The following BIRC2 variants were observed in gnomAD, a reference collection of about 807,000 sequenced individuals.
BIRC2 encodes baculoviral IAP repeat-containing protein 2.
A neutral mutation model predicts 60.9 loss-of-function variants in BIRC2; 18 were observed. That is an observed-to-expected ratio of 0.30 (90% CI 0.20 to 0.44). The LOEUF (loss-of-function observed/expected upper bound fraction) is 0.44. Among genes scored for constraint, BIRC2 ranks in the 20% least tolerant of loss-of-function variants. The pLI, the probability that BIRC2 is intolerant of heterozygous loss-of-function variation, is 1.00. For missense variants in BIRC2, 701 were observed against 728.5 expected, an observed-to-expected ratio of 0.96 and a Z score of 0.43; for synonymous variants, 282 against 247.7, an observed-to-expected ratio of 1.14 and a Z score of -1.30.
chr11:102,363,555 C>A, intron 4 of BIRC2, 113 bp from the exon 5 acceptor site: 1 of 656,740 alleles, frequency 1.5e-6, no homozygotes, highest in Non-Finnish European at 2.5e-6. Flanking sequence ...ATAAATCACT[C>A]AGTTCTCAAA....
chr11:102,361,186 A>C (rs1048271544), intron 3 of BIRC2, among the ~76,000 whole-genome samples: 11 of 152,100 alleles, frequency 7.2e-5, no homozygotes, highest in African/African-American at 2.7e-4. Context: ...TTGGAGTGCA[A>C]GTGTTTGCAG....
chr11:102,354,787 T>G (rs546327733), intron 3 of BIRC2, among the ~76,000 whole-genome samples: 1 of 152,188 alleles, frequency 6.6e-6, no homozygotes, highest in Non-Finnish European at 1.5e-5. Context: ...AAGGCATCAT[T>G]ACAGGTGGGA....
In BIRC2 at chr11:102,350,169, G is replaced by A. The variant is rs1951339618; in HGVS notation, c.315G>A (p.Gln105=). 1.2e-6 allele frequency: 2 copies of A among 1,614,074 alleles called. No homozygotes were observed. The highest frequency in any genetic ancestry group is 8.5e-7 in the Non-Finnish European group (1 of 1,180,044). Reference sequence around the variant, plus strand: ...ACAGTCCTATTCAAAAGCATAAACAGCTATATCCTAGCTGTAGCTTTATTC... The same window carrying A: ...ACAGTCCTATTCAAAAGCATAAACAACTATATCCTAGCTGTAGCTTTATTC... The part of the protein sequence containing the change: ...LGDSPIQKHK[Q]LYPSCSFIQN... Residue 105 remains glutamine (Q), a synonymous_variant, in exon 2 of 9, where the codon CAG becomes CAA. Coordinates refer to ENST00000227758, the MANE Select transcript of BIRC2 (RefSeq NM_001166.5).
intron 6 of BIRC2, among the ~76,000 whole-genome samples, chr11:102,370,200 TTGC>T (rs1951612774): frequency 6.7e-6 from 1 of 149,338 alleles, no homozygotes; most frequent in African/African-American, 2.5e-5. Flanking sequence ...TTGGCTTTTG[TTGC>T]CATTGCTTTT....
At chr11:102,374,012 G>T (rs1395349394) in intron 6 of BIRC2, among the ~76,000 whole-genome samples, 1 of 140,580 alleles carries the variant, frequency 7.1e-6, no homozygotes, top group African/African-American at 2.7e-5. Flanking sequence ...TTGGTTTTCA[G>T]CTCCATCAGC....
intron 5 of BIRC2, among the ~76,000 whole-genome samples, chr11:102,365,109 G>A (rs908852735): frequency 4.6e-5 from 7 of 152,108 alleles, no homozygotes; most frequent in African/African-American, 1.7e-4. Context: ...AAACCACTAG[G>A]CTACATAATT....
At chr11:102,367,484 A>T (rs933656574) in intron 5 of BIRC2, among the ~76,000 whole-genome samples, 1 of 152,190 alleles carries the variant, frequency 6.6e-6, no homozygotes, top group Non-Finnish European at 1.5e-5. Context: ...CGCGTGTTTG[A>T]ACAAGAGGGG....
At chr11:102,356,385 A>G (rs1256696883) in intron 3 of BIRC2, among the ~76,000 whole-genome samples, 2 of 151,426 alleles carry the variant, frequency 1.3e-5, no homozygotes, top group Non-Finnish European at 2.9e-5. Flanking sequence ...CTTAGTAGAG[A>G]TGGCGTTTCA....
intron 5 of BIRC2, among the ~76,000 whole-genome samples, chr11:102,364,139 T>TATATATA (rs1951517564): frequency 1.6e-5 from 1 of 61,418 alleles, no homozygotes; most frequent in African/African-American, 7.8e-5. Flanking sequence ...CTAATAAATA[T>TATATATA]TATATATATA....
intron 3 of BIRC2, among the ~76,000 whole-genome samples, chr11:102,356,276 A>T (rs548250944): frequency 6.6e-6 from 1 of 150,574 alleles, no homozygotes; most frequent in African/African-American, 2.4e-5. Flanking sequence ...GCTCACTGCA[A>T]CCTCCACCTC....
intron 3 of BIRC2, among the ~76,000 whole-genome samples, chr11:102,351,670 G>GT (rs1295482900): frequency 1.5e-5 from 2 of 136,376 alleles, no homozygotes; most frequent in African/African-American, 5.3e-5. Context: ...CATTTTAATT[G>GT]TAATTGTAAA....
At chr11:102,351,612 C>T (rs1420049245) in intron 3 of BIRC2, among the ~76,000 whole-genome samples, 3 of 40,550 alleles carry the variant, frequency 7.4e-5, no homozygotes, top group African/African-American at 1.1e-4. Context: ...AAGACTCTGT[C>T]TCAAAAAAAA....
At chr11:102,371,494 G>A (rs1430946613) in intron 6 of BIRC2, among the ~76,000 whole-genome samples, 5 of 131,840 alleles carry the variant, frequency 3.8e-5, no homozygotes, top group African/African-American at 1.5e-4. Flanking sequence ...TATTGAACCA[G>A]CCTTGCATCC....
chr11:102,349,394 A>G lies in BIRC2; in HGVS notation c.-461A>G, dbSNP rs1421741935. ...TGCTTATAGGGAAAGAAGCCTGCAT[A>G]TAATTTTTTACCTTGTGGCATAATC... On this transcript the variant is annotated 5_prime_UTR_variant, in exon 2 of 9. In the 5' UTR this introduces an upstream ATG that the reference lacks. Coordinates refer to ENST00000227758, the MANE Select transcript of BIRC2 (RefSeq NM_001166.5). 1 of 152,938 alleles carries G rather than the reference A, an allele frequency of 6.5e-6. No individual in the cohort carries two copies. Among genetic ancestry groups the G allele is most frequent in the Non-Finnish European group, 1.5e-5 (1 of 68,578 alleles). 9.5% of individuals were successfully genotyped at this position (152,938 alleles called of 1,614,324 possible).
At position 102,377,497 on chromosome 11, in the gene BIRC2, T is replaced by C. The variant is rs757314194; in HGVS notation, c.1368T>C (p.Asp456=). The C allele has an allele frequency of 6.3e-7, 1 of 1,587,486 alleles. No homozygotes were observed. Among genetic ancestry groups the C allele is most frequent in the Non-Finnish European group, 8.5e-7 (1 of 1,173,834 alleles). Residue 456 remains aspartate (D), a splice_region_variant and synonymous_variant, in exon 7 of 9, where the codon GAT becomes GAC. Coordinates refer to ENST00000227758, the MANE Select transcript of BIRC2 (RefSeq NM_001166.5). The stretch of plus-strand genomic sequence containing the variant: ...TTTCTTTTTCTTTTTTTAATGAAGA[T>C]GATTTGTCATTAATTCGGAAGAACA... ...KEKQAEEMAS[D]DLSLIRKNRM...
At chr11:102,374,364 G>C (rs1951675333) in intron 6 of BIRC2, among the ~76,000 whole-genome samples, 1 of 148,892 alleles carries the variant, frequency 6.7e-6, no homozygotes, top group African/African-American at 2.5e-5. Flanking sequence ...TGTCCTTTCT[G>C]TTTGTTAGTT....
chr11:102,374,989 C>A (rs1365250177), intron 6 of BIRC2, among the ~76,000 whole-genome samples: 1 of 152,238 alleles, frequency 6.6e-6, no homozygotes, highest in African/African-American at 2.4e-5. Flanking sequence ...ACCCCTTGGG[C>A]TTCCCAAGTG....
intron 6 of BIRC2, among the ~76,000 whole-genome samples, chr11:102,372,090 C>A (rs1030766506): frequency 6.6e-6 from 1 of 152,128 alleles, no homozygotes; most frequent in Non-Finnish European, 1.5e-5. Flanking sequence ...AGCGGTCTAT[C>A]TATTTTGTTG....
intron 5 of BIRC2, among the ~76,000 whole-genome samples, chr11:102,367,465 C>T (rs907873590): frequency 1.3e-5 from 2 of 152,124 alleles, no homozygotes; most frequent in Non-Finnish European, 2.9e-5. Flanking sequence ...TCTTCGGACA[C>T]GGATTCCACG....
Sources: allele counts gnomAD v4.1 joint callset (sites outside exome capture counted in the v4.1 genomes callset), GRCh38; gene constraint gnomAD v4.1.1; transcripts MANE v1.5; gene names NCBI Gene and HGNC (gene_info 2026-07-23, HGNC 2026-07-21).